TBC1D1: variants seen among roughly 807,000 people sequenced by gnomAD.
The protein encoded by TBC1D1 is TBC1 (tre-2/USP6, BUB2, cdc16) domain family, member 1.
A neutral mutation model predicts 125.6 loss-of-function variants in TBC1D1; 89 were observed. The ratio of observed to expected loss-of-function variants is 0.71; its 90% CI spans 0.60 to 0.85. TBC1D1 has a LOEUF of 0.85. Ranked by LOEUF, TBC1D1 falls within the 40% of genes least tolerant of loss-of-function variation. TBC1D1 has a pLI of 0.00. For missense variants in TBC1D1, 1,377 were observed against 1,469.2 expected, an observed-to-expected ratio of 0.94 and a Z score of 1.03; for synonymous variants, 565 against 564.1, an observed-to-expected ratio of 1.00 and a Z score of -0.02.
At position 37,922,905 on chromosome 4, in the gene TBC1D1, G is replaced by A. The variant is rs572860462; in HGVS notation, c.417+20393G>A. ...CCCTATGGCTGCTGCCTGTGTGAAC[G>A]AAGACAATAAGGAGGTGCCACAGCT... On this transcript the variant is annotated intron_variant, in intron 2 of 19. Coordinates refer to ENST00000261439, the MANE Select transcript of TBC1D1 (RefSeq NM_015173.4). 6.6e-5 allele frequency among the ~76,000 whole-genome samples: 10 copies of A among 152,088 alleles called. No homozygotes were observed. The South Asian group carries it at 1.0e-3, about 16-fold the overall frequency.
At chr4:38,113,043 G>A (rs1017641352) in intron 15 of TBC1D1, among the ~76,000 whole-genome samples, 7 of 152,168 alleles carry the variant, frequency 4.6e-5, no homozygotes, top group African/African-American at 7.2e-5. Flanking sequence ...CATACCACTC[G>A]GTAGCAAGGC....
chr4:37,916,532 C>A (rs1191046378), intron 2 of TBC1D1, among the ~76,000 whole-genome samples: 3 of 152,096 alleles, frequency 2.0e-5, no homozygotes, highest in Non-Finnish European at 2.9e-5. Context: ...CTTTCATAAA[C>A]CATCTTGGTT....
chr4:38,047,097 A>G (rs2059430386), intron 10 of TBC1D1, among the ~76,000 whole-genome samples: 1 of 152,262 alleles, frequency 6.6e-6, no homozygotes, highest in Non-Finnish European at 1.5e-5. Context: ...TTTACTGTGA[A>G]CAACATACAA....
In TBC1D1 at chr4:38,090,009, C is replaced by A; in HGVS notation, c.2128C>A (p.Pro710Thr). 6.2e-7 allele frequency: 1 copy of A among 1,614,088 alleles called. No homozygotes were observed. Among genetic ancestry groups the A allele is most frequent in the Non-Finnish European group, 8.5e-7 (1 of 1,179,982 alleles). ...TGAAGATGGGCCCTTTGGCCCCCCA[C>A]CAGAGGAAAAGAAAAGGACATCTCG... The change falls in exon 13 of 20, where the codon CCA (proline) becomes ACA (threonine). Residue 710 changes from proline to threonine, a missense_variant. By Grantham distance (38) the Pro-to-Thr change is conservative (BLOSUM62 -1). Transcript: ENST00000261439.
intron 2 of TBC1D1, among the ~76,000 whole-genome samples, chr4:37,914,393 C>A (rs1185796341): frequency 6.6e-6 from 1 of 152,200 alleles, no homozygotes; most frequent in Non-Finnish European, 1.5e-5. Context: ...GTTGCTGCAG[C>A]CAAAGCCTAG....
chr4:38,052,956 A>G (rs1751024590), intron 11 of TBC1D1, 150 bp from the exon 13 acceptor site: 4 of 477,806 alleles, frequency 8.4e-6, no homozygotes, highest in Non-Finnish European at 1.4e-5. Flanking sequence ...TGAAAATTAA[A>G]TCTCATTCGT....
At chr4:37,983,432 T>C (rs1006979801) in intron 2 of TBC1D1, among the ~76,000 whole-genome samples, 1 of 152,202 alleles carries the variant, frequency 6.6e-6, no homozygotes, top group Admixed American at 6.5e-5. Flanking sequence ...CAAACTCTTA[T>C]AGCTGTGTAT....
intron 13 of TBC1D1, among the ~76,000 whole-genome samples, 172 bp downstream of exon 15, chr4:38,090,289 G>C (rs916075958): frequency 6.6e-6 from 1 of 152,096 alleles, no homozygotes; most frequent in Non-Finnish European, 1.5e-5. Context: ...TTTACTTTCT[G>C]GTGATCTAAT....
chr4:37,932,303 G>T (rs1266418568), intron 2 of TBC1D1, among the ~76,000 whole-genome samples: 1 of 152,098 alleles, frequency 6.6e-6, no homozygotes. Flanking sequence ...TCATTTTGGG[G>T]CTTCTAATTT....
intron 8 of TBC1D1, among the ~76,000 whole-genome samples, chr4:38,041,869 G>A (rs1055245824): frequency 6.6e-6 from 1 of 152,128 alleles, no homozygotes; most frequent in African/African-American, 2.4e-5. Context: ...GTCTGCAGTG[G>A]TTCCCATTAA....
Position 38,073,900 on chromosome 4 carries a change from C to T in TBC1D1, c.2051-16032C>T, listed in dbSNP as rs1214296350. Among the ~76,000 whole-genome samples, 3 of 152,288 alleles carry T rather than the reference C, an allele frequency of 2.0e-5. No homozygotes were observed. In the East Asian group the frequency reaches 5.8e-4, roughly 29 times the overall value. Reference sequence around the variant, plus strand: ...CAGCCATTCTTGAAATCCACCTTGGCTGCCTTCATTTTTAATGTCAGTGGA... The same window carrying T: ...CAGCCATTCTTGAAATCCACCTTGGTTGCCTTCATTTTTAATGTCAGTGGA... On this transcript the variant is annotated intron_variant, in intron 12 of 19. Coordinates refer to ENST00000261439, the MANE Select transcript of TBC1D1 (RefSeq NM_015173.4).
chr4:37,972,570 A>C (rs1732259705), intron 2 of TBC1D1, among the ~76,000 whole-genome samples: 1 of 151,696 alleles, frequency 6.6e-6, no homozygotes, highest in African/African-American at 2.4e-5. Context: ...GGAAGGATAT[A>C]TTTTTCAGAT....
At chr4:37,970,780 T>C in intron 2 of TBC1D1, among the ~76,000 whole-genome samples, 1 of 152,256 alleles carries the variant, frequency 6.6e-6, no homozygotes, top group Non-Finnish European at 1.5e-5. Flanking sequence ...GTGAACTGAA[T>C]TCCTGATCCA....
rs779225275 is a variant in TBC1D1 at position 37,902,047 on chromosome 4, C to T, written c.-49C>T. On this transcript the variant is annotated 5_prime_UTR_variant, in exon 2 of 20. Coordinates refer to ENST00000261439, the MANE Select transcript of TBC1D1 (RefSeq NM_015173.4). ...GTAAAATAGATTGCTTGATCCAAAACAGAAAAACAGTGATAACTGTTTTGC... is the reference window on the plus strand; with the variant it reads ...GTAAAATAGATTGCTTGATCCAAAATAGAAAAACAGTGATAACTGTTTTGC... The T allele has an allele frequency of 1.5e-5, 23 of 1,524,308 alleles. No individual in the cohort carries two copies. In the Admixed American group the frequency reaches 2.2e-4, roughly 14 times the overall value. 94.4% of individuals were successfully genotyped at this position (1,524,308 alleles called of 1,614,324 possible).
intron 1 of TBC1D1, among the ~76,000 whole-genome samples, chr4:37,899,500 A>T (rs148402900): frequency 6.6e-6 from 1 of 152,186 alleles, no homozygotes; most frequent in East Asian, 1.9e-4. Context: ...CTCAAGTGCA[A>T]ATTGCCCCCC....
intron 12 of TBC1D1, among the ~76,000 whole-genome samples, chr4:38,079,740 G>C (rs1756231707): frequency 6.7e-6 from 1 of 148,866 alleles, no homozygotes; most frequent in Non-Finnish European, 1.5e-5. Context: ...AAAAAAAAAA[G>C]CAAGTTATAT....
At chr4:37,899,190 G>A (rs978318062) in intron 1 of TBC1D1, among the ~76,000 whole-genome samples, 1 of 151,738 alleles carries the variant, frequency 6.6e-6, no homozygotes, top group Non-Finnish European at 1.5e-5. Context: ...GTAGTAATAG[G>A]ATGAAGAAGG....
intron 15 of TBC1D1, among the ~76,000 whole-genome samples, 173 bp from the exon 18 acceptor site, chr4:38,115,537 T>G (rs569687366): frequency 5.4e-4 from 82 of 152,364 alleles, no homozygotes; most frequent in Non-Finnish European, 1.0e-3. Flanking sequence ...GAAAGCATTA[T>G]TCCAGGAATA....
intron 18 of TBC1D1, among the ~76,000 whole-genome samples, chr4:38,128,460 G>A (rs1240627829): frequency 6.6e-6 from 1 of 152,184 alleles, no homozygotes; most frequent in Non-Finnish European, 1.5e-5. Context: ...CAGAGTAGAT[G>A]TAATGGATGC....
Sources: allele counts gnomAD v4.1 joint callset (sites outside exome capture counted in the v4.1 genomes callset), GRCh38; gene constraint gnomAD v4.1.1; transcripts MANE v1.5; gene names NCBI Gene and HGNC (gene_info 2026-07-23, HGNC 2026-07-21).